EFCAB5: variants seen among roughly 807,000 people sequenced by gnomAD.
The protein encoded by EFCAB5 is EF-hand calcium-binding domain-containing protein 5.
In EFCAB5, 131 loss-of-function variants were observed where a neutral mutation model predicts 167.9. That is an observed-to-expected ratio of 0.78 (90% CI 0.68 to 0.90). The LOEUF is 0.90. EFCAB5 is among the 40% of genes least tolerant of loss of function. The pLI is 0.00. For synonymous variants in EFCAB5, 574 were observed against 602.8 expected (o/e 0.95, Z 0.70); for missense variants, 1,663 against 1,745.2 (o/e 0.95, Z 0.84).
At chr17:30,057,586 G>T in intron 12 of EFCAB5, 90 bp from the exon 13 acceptor site, 2 of 1,070,990 alleles carry the variant, frequency 1.9e-6, no homozygotes, top group Non-Finnish European at 2.7e-6. Flanking sequence ...GTCAAAAATG[G>T]CAGATATTCA....
intron 3 of EFCAB5, among the ~76,000 whole-genome samples, chr17:29,949,864 A>G (rs974624286): frequency 5.3e-5 from 8 of 152,252 alleles, no homozygotes; most frequent in East Asian, 1.9e-4. Context: ...TTAGCAACCA[A>G]TGATAGCCAA....
intron 16 of EFCAB5, 85 bp downstream of exon 16, chr17:30,080,326 G>T (rs746118342): frequency 3.5e-6 from 5 of 1,422,516 alleles, no homozygotes; most frequent in Non-Finnish European, 4.7e-6. Context: ...ATCCCAGCTA[G>T]CTGCTCAAAA....
chr17:29,981,688 G>A (rs1241132253), intron 4 of EFCAB5, among the ~76,000 whole-genome samples: 1 of 152,152 alleles, frequency 6.6e-6, no homozygotes, highest in East Asian at 1.9e-4. Context: ...AATGATGAAA[G>A]TTTTCTTCTG....
chr17:30,005,208 A>G (rs1220210456), intron 7 of EFCAB5, among the ~76,000 whole-genome samples: 1 of 152,158 alleles, frequency 6.6e-6, no homozygotes, highest in Non-Finnish European at 1.5e-5. Context: ...CACCAACAGT[A>G]GGTATTATTG....
At chr17:29,947,634 T>C (rs2067430271) in intron 3 of EFCAB5, among the ~76,000 whole-genome samples, 1 of 152,124 alleles carries the variant, frequency 6.6e-6, no homozygotes, top group Non-Finnish European at 1.5e-5. Context: ...CTTAGTACTG[T>C]TTTCACAGCT....
At chr17:29,977,762 A>G (rs532019075) in intron 4 of EFCAB5, among the ~76,000 whole-genome samples, 16 of 152,366 alleles carry the variant, frequency 1.1e-4, no homozygotes, top group Middle Eastern at 3.4e-3. Context: ...AGACCAAGTT[A>G]GTATAAATAT....
Position 29,943,551 on chromosome 17 carries a change from T to C in EFCAB5, c.106-14T>C, listed in dbSNP as rs1313077152. 1.3e-6 allele frequency: 2 copies of C among 1,556,494 alleles called. No homozygotes were observed. Among genetic ancestry groups the C allele is most frequent in the African/African-American group, 1.4e-5 (1 of 73,448 alleles). On this transcript the variant is annotated splice_polypyrimidine_tract_variant and intron_variant, in intron 2 of 22. Transcript: ENST00000394835. ...GTCACATTGAAATTGGTGATTTTTT[T>C]CCTCTTTTCAAAGACCTTACAGAGT... is the stretch of plus-strand genomic sequence containing the variant.
intron 22 of EFCAB5, among the ~76,000 whole-genome samples, chr17:30,106,600 G>A (rs2071452184): frequency 6.6e-6 from 1 of 152,002 alleles, no homozygotes; most frequent in Non-Finnish European, 1.5e-5. Flanking sequence ...GGGATCACAG[G>A]TGCCCACCAC....
chr17:30,004,503 G>A (rs1268305892), intron 7 of EFCAB5, among the ~76,000 whole-genome samples: 5 of 152,108 alleles, frequency 3.3e-5, no homozygotes, highest in Non-Finnish European at 7.4e-5. Flanking sequence ...CTCAGTCTGA[G>A]TTACTCCATT....
chr17:30,108,158 C>A lies in EFCAB5; in HGVS notation c.*134C>A. 3 of 1,083,430 alleles carry A rather than the reference C, an allele frequency of 2.8e-6. No individual in the cohort carries two copies. The highest frequency in any genetic ancestry group is 3.8e-6 in the Non-Finnish European group (3 of 793,844). The allele number at this position is 1,083,430 out of a possible 1,614,324, so 67.1% of individuals were successfully genotyped here. On this transcript the variant is annotated 3_prime_UTR_variant, in exon 23 of 23. Coordinates refer to ENST00000394835, the MANE Select transcript of EFCAB5 (RefSeq NM_198529.4). Reference sequence around the variant, plus strand: ...CTTCTGCTGCTAATATTTATCTCAGCACTTTCTAAACCCAAAAGTGCTACC... The same window carrying A: ...CTTCTGCTGCTAATATTTATCTCAGAACTTTCTAAACCCAAAAGTGCTACC...
intron 3 of EFCAB5, among the ~76,000 whole-genome samples, chr17:29,963,563 A>G (rs983365129): frequency 2.0e-5 from 3 of 152,218 alleles, no homozygotes; most frequent in African/African-American, 7.2e-5. Flanking sequence ...CCTCATAGAA[A>G]GAATTAGGAA....
intron 7 of EFCAB5, among the ~76,000 whole-genome samples, chr17:30,025,629 G>C (rs1181615204): frequency 6.6e-6 from 1 of 152,174 alleles, no homozygotes; most frequent in Non-Finnish European, 1.5e-5. Flanking sequence ...CAGGGATCTA[G>C]AACTAGAAAT....
chr17:29,943,998 T>C (rs557097124), intron 3 of EFCAB5, among the ~76,000 whole-genome samples: 1 of 152,186 alleles, frequency 6.6e-6, no homozygotes, highest in Non-Finnish European at 1.5e-5. Flanking sequence ...TAAAAGAATC[T>C]AAAACTATCA....
intron 4 of EFCAB5, among the ~76,000 whole-genome samples, chr17:29,979,400 T>C (rs1187485496): frequency 6.6e-6 from 1 of 152,126 alleles, no homozygotes; most frequent in Admixed American, 6.5e-5. Context: ...AGGCATTCTA[T>C]CTGAGCTACC....
intron 7 of EFCAB5, among the ~76,000 whole-genome samples, chr17:30,025,099 A>AT (rs1350726476): frequency 6.6e-6 from 1 of 152,122 alleles, no homozygotes; most frequent in Admixed American, 6.6e-5. Context: ...AAACCTAGGC[A>AT]TGACCATTCA....
chr17:30,006,492 C>T (rs2068776471), intron 7 of EFCAB5, among the ~76,000 whole-genome samples: 1 of 151,902 alleles, frequency 6.6e-6, no homozygotes, highest in African/African-American at 2.4e-5. Context: ...AATTTTTTCC[C>T]CCTAAAATGG....
intron 7 of EFCAB5, among the ~76,000 whole-genome samples, chr17:30,002,305 T>A (rs2068679571): frequency 1.3e-5 from 2 of 152,140 alleles, no homozygotes; most frequent in Non-Finnish European, 2.9e-5. Context: ...TAGTATAATA[T>A]CAAAACCAGG....
chr17:30,106,225 G>C (rs1376026959), intron 22 of EFCAB5, among the ~76,000 whole-genome samples: 1 of 151,668 alleles, frequency 6.6e-6, no homozygotes, highest in Non-Finnish European at 1.5e-5. Context: ...AGAAGTTCAA[G>C]ACTAGCCTGG....
In EFCAB5 at chr17:30,057,818, C is replaced by A. The variant is rs566195712; in HGVS notation, c.2508C>A (p.Ser836Arg). Residue 836 changes from serine to arginine, a missense_variant, in exon 13 of 23, where the codon AGC (serine) becomes AGA (arginine). Physicochemically the swap from Ser to Arg is moderately radical, Grantham distance 110. Transcript: ENST00000394835. The stretch of plus-strand genomic sequence containing the variant: ...GTGAAGACGCTCCCTTGAGTGTCAG[C>A]GAGACTCTCACCTCCTTTTTTAAGG... ...FVGEDAPLSV[S>R]ETLTSFFKEG... 3 of 1,613,578 alleles carry A rather than the reference C, an allele frequency of 1.9e-6. No homozygotes were observed. The highest frequency in any genetic ancestry group is 2.5e-6 in the Non-Finnish European group (3 of 1,179,754).
Sources: gnomAD v4.1 joint callset for allele counts (sites outside exome capture counted in the v4.1 genomes callset) on GRCh38, gnomAD v4.1.1 for gene constraint, MANE v1.5 for transcripts, NCBI Gene and HGNC (gene_info 2026-07-23, HGNC 2026-07-21) for gene names.